Variants in NBAS observed in about 807,000 individuals in gnomAD.
The protein encoded by NBAS is NAG/BC035112 fusion.
A neutral mutation model predicts 302.5 loss-of-function variants in NBAS; 219 were observed. The ratio of observed to expected loss-of-function variants is 0.72; its 90% CI spans 0.65 to 0.81. NBAS has a LOEUF of 0.81. NBAS is among the 30% of genes least tolerant of loss of function. The probability of loss-of-function intolerance (pLI) is 0.00; values close to 1 mark genes in which losing one functional copy is unlikely to be tolerated. For synonymous variants in NBAS, 1,118 were observed against 1,021.6 expected (o/e 1.09, Z -1.80); for missense variants, 2,932 against 2,841.6 (o/e 1.03, Z -0.72).
At chr2:15,237,240 A>C (rs1667635346) in intron 45 of NBAS, among the ~76,000 whole-genome samples, 2 of 152,218 alleles carry the variant, frequency 1.3e-5, no homozygotes, top group South Asian at 4.2e-4. Flanking sequence ...CAATTGTTAA[A>C]ATATAGAACA....
chr2:14,954,528 A>G, the NBAS span, among the ~76,000 whole-genome samples: 184 of 152,278 alleles, frequency 1.2e-3, no homozygotes, highest in African/African-American at 4.2e-3. Context: ...TATGGGTTGT[A>G]TTAGTCCCTT....
intron 35 of NBAS, 29 bp from the exon 36 acceptor site, chr2:15,330,794 C>CA (rs763520364): frequency 2.7e-5 from 44 of 1,607,824 alleles, no homozygotes; most frequent in Non-Finnish European, 7.6e-6. Context: ...ATAGCAAGGG[C>CA]AAAAATGCAT....
chr2:15,427,939 T>G, intron 21 of NBAS, 145 bp from the exon 22 acceptor site: 1 of 662,212 alleles, frequency 1.5e-6, no homozygotes, highest in Non-Finnish European at 2.6e-6. Context: ...AGGATACATA[T>G]TATATACATA....
At chr2:14,962,039 G>T in the NBAS span, among the ~76,000 whole-genome samples, 123 of 152,278 alleles carry the variant, frequency 8.1e-4, no homozygotes, top group African/African-American at 2.7e-3. Flanking sequence ...CTCCAAAACT[G>T]CCAGGATTAC....
chr2:14,976,559 C>CCAAG, the NBAS span, among the ~76,000 whole-genome samples: 2 of 152,200 alleles, frequency 1.3e-5, no homozygotes, highest in African/African-American at 4.8e-5. Context: ...TAAGTGTATT[C>CCAAG]TAGGCCCACC....
At chr2:15,002,454 G>A in the NBAS span, among the ~76,000 whole-genome samples, 1 of 150,830 alleles carries the variant, frequency 6.6e-6, no homozygotes, top group Admixed American at 6.6e-5. Context: ...ACCAGACTCA[G>A]GAGCCCAGCT....
intron 9 of NBAS, among the ~76,000 whole-genome samples, chr2:15,519,064 A>G (rs546836602): frequency 6.6e-6 from 1 of 152,326 alleles, no homozygotes; most frequent in Non-Finnish European, 1.5e-5. Context: ...TATGGAAAAT[A>G]GCAGGAAAAT....
chr2:15,173,237 C>T (rs1474088710), intron 51 of NBAS, among the ~76,000 whole-genome samples: 1 of 152,216 alleles, frequency 6.6e-6, no homozygotes, highest in Admixed American at 6.5e-5. Context: ...TGCTGTCTTC[C>T]AAGCCATTAA....
the NBAS span, among the ~76,000 whole-genome samples, chr2:14,906,279 T>C: frequency 6.6e-6 from 1 of 152,172 alleles, no homozygotes; most frequent in Non-Finnish European, 1.5e-5. Flanking sequence ...TAGAAGTAAC[T>C]CTAAACAGTA....
chr2:15,073,038 G>A, the NBAS span, among the ~76,000 whole-genome samples: 3 of 152,084 alleles, frequency 2.0e-5, no homozygotes, highest in African/African-American at 7.2e-5. Context: ...CTGGAGAACT[G>A]CTTAAGCCTG....
chr2:15,553,492 A>C lies in NBAS; in HGVS notation c.288-19T>G. The C allele has an allele frequency of 8.1e-6, 13 of 1,601,440 alleles. No homozygotes were observed. Among genetic ancestry groups the C allele is most frequent in the Non-Finnish European group, 1.1e-5 (13 of 1,168,628 alleles). On this transcript the variant is annotated intron_variant, in intron 4 of 51. Transcript: ENST00000281513. The stretch of plus-strand genomic sequence containing the variant: ...TCCATTGCTTTTATGGAGAAGAAAG[A>C]GGGGGAAGAAAATCTATTATGAATA...
At chr2:14,781,129 A>G in the NBAS span, among the ~76,000 whole-genome samples, 1 of 152,204 alleles carries the variant, frequency 6.6e-6, no homozygotes. Context: ...CTCCCTCTTT[A>G]CTGGGATTGA....
chr2:15,087,539 G>A, the NBAS span, among the ~76,000 whole-genome samples: 2 of 152,148 alleles, frequency 1.3e-5, no homozygotes, highest in African/African-American at 4.8e-5. Flanking sequence ...CTTTTCTCCA[G>A]GGCAGAGGAA....
the NBAS span, among the ~76,000 whole-genome samples, chr2:15,007,474 A>G: frequency 1.3e-5 from 2 of 152,190 alleles, no homozygotes; most frequent in African/African-American, 2.4e-5. Flanking sequence ...TGTTTATTTG[A>G]AGGAAGCGAA....
intron 47 of NBAS, among the ~76,000 whole-genome samples, chr2:15,227,783 C>T (rs138296541): frequency 2.2e-4 from 34 of 152,006 alleles, no homozygotes; most frequent in African/African-American, 3.1e-4. Context: ...GATAACCACA[C>T]GAAAAAGAAT....
the NBAS span, among the ~76,000 whole-genome samples, chr2:15,124,081 T>G: frequency 0.14 from 20,811 of 152,144 alleles, 2,693 homozygotes; most frequent in African/African-American, 0.33. Flanking sequence ...AGGTCTCAGA[T>G]AGAAATGTGG....
At chr2:15,070,460 C>A in the NBAS span, among the ~76,000 whole-genome samples, 1 of 152,054 alleles carries the variant, frequency 6.6e-6, no homozygotes, top group South Asian at 2.1e-4. Flanking sequence ...TGTTGTTGGC[C>A]CCATATCTGC....
At chr2:15,514,636 C>G (rs1000926884) in intron 9 of NBAS, among the ~76,000 whole-genome samples, 2 of 151,130 alleles carry the variant, frequency 1.3e-5, no homozygotes, top group African/African-American at 4.9e-5. Flanking sequence ...TGATCAATGT[C>G]CAATATATAT....
chr2:15,190,423 C>T lies in NBAS; in HGVS notation c.6433-20G>A. The T allele has an allele frequency of 6.2e-7, 1 of 1,613,550 alleles. No homozygotes were observed. On this transcript the variant is annotated intron_variant, in intron 48 of 51. Transcript: ENST00000281513. ...GTCTACCTGGAAGAAGAAATACACA[C>T]TTAAAGCTGGTGGCAAAGGCTACTG...
Sources: gnomAD v4.1 joint callset for allele counts (sites outside exome capture counted in the v4.1 genomes callset) on GRCh38, gnomAD v4.1.1 for gene constraint, MANE v1.5 for transcripts, NCBI Gene and HGNC (gene_info 2026-07-23, HGNC 2026-07-21) for gene names.